MYBL2: variants seen among roughly 807,000 people sequenced by gnomAD.
MYBL2 encodes the protein myb-related protein B.
Under a neutral mutation model 79.9 loss-of-function variants are expected in MYBL2, and 28 were observed. The ratio of observed to expected loss-of-function variants is 0.35; its 90% CI spans 0.26 to 0.48. The LOEUF (loss-of-function observed/expected upper bound fraction) is 0.48, where lower values mean the gene tolerates loss of function less well. Among genes scored for constraint, MYBL2 ranks in the 20% least tolerant of loss-of-function variants. MYBL2 has a pLI of 0.99. For synonymous variants in MYBL2, 378 were observed against 361.2 expected, an observed-to-expected ratio of 1.05 and a Z score of -0.53; for missense variants, 735 against 893.9, an observed-to-expected ratio of 0.82 and a Z score of 2.27.
intron 8 of MYBL2, among the ~76,000 whole-genome samples, chr20:43,703,655 T>C (rs2145729560): frequency 6.6e-6 from 1 of 152,316 alleles, no homozygotes; most frequent in South Asian, 2.1e-4. Flanking sequence ...CTTAGGGCTT[T>C]GGCTCTCATT....
intron 11 of MYBL2, among the ~76,000 whole-genome samples, 153 bp downstream of exon 11, chr20:43,711,754 G>A (rs35263092): frequency 3.0e-4 from 45 of 152,208 alleles, no homozygotes; most frequent in African/African-American, 9.9e-4. Flanking sequence ...TGGTTGTTGA[G>A]GAAACTGACA....
chr20:43,680,404 A>T (rs567458438), intron 2 of MYBL2, among the ~76,000 whole-genome samples: 1 of 152,238 alleles, frequency 6.6e-6, no homozygotes, highest in Non-Finnish European at 1.5e-5. Flanking sequence ...GACTTAGCAT[A>T]GTGTCCTCAG....
chr20:43,696,243 CTT>C (rs111933419), intron 6 of MYBL2, among the ~76,000 whole-genome samples: 5 of 144,880 alleles, frequency 3.5e-5, no homozygotes, highest in Admixed American at 7.0e-5. Flanking sequence ...CTCATCTCAA[CTT>C]TTTTTTTTTT....
intron 11 of MYBL2, among the ~76,000 whole-genome samples, chr20:43,711,964 T>C (rs1414788896): frequency 6.6e-6 from 1 of 152,052 alleles, no homozygotes; most frequent in Non-Finnish European, 1.5e-5. Context: ...CATGACTGAA[T>C]TCACAGGGTA....
At chr20:43,677,645 C>T (rs979404811) in intron 2 of MYBL2, among the ~76,000 whole-genome samples, 6 of 151,864 alleles carry the variant, frequency 4.0e-5, no homozygotes, top group African/African-American at 1.4e-4. Flanking sequence ...TGAGGAGCCC[C>T]TCTGCCTGGC....
At chr20:43,689,941 CAA>C (rs573722775) in intron 5 of MYBL2, among the ~76,000 whole-genome samples, 17 of 152,092 alleles carry the variant, frequency 1.1e-4, no homozygotes, top group Admixed American at 5.2e-4. Context: ...ACCTGTGACT[CAA>C]GAGTTTCAGG....
chr20:43,704,864 T>C (rs1488710615), intron 8 of MYBL2, among the ~76,000 whole-genome samples: 3 of 152,172 alleles, frequency 2.0e-5, no homozygotes, highest in Non-Finnish European at 4.4e-5. Flanking sequence ...GTCACATGCC[T>C]TTTGCCTTCA....
chr20:43,673,859 A>G lies in MYBL2; in HGVS notation c.74A>G (p.Gln25Arg), dbSNP rs372609091. The G allele has an allele frequency of 2.6e-6, 4 of 1,556,388 alleles. No homozygotes were observed. Among genetic ancestry groups the G allele is most frequent in the Non-Finnish European group, 3.5e-6 (4 of 1,149,202 alleles). Residue 25 changes from glutamine to arginine, a missense_variant, in exon 2 of 14, where the codon CAG (glutamine) becomes CGG (arginine). By Grantham distance (43) the Gln-to-Arg change is conservative. Coordinates refer to ENST00000217026, the MANE Select transcript of MYBL2 (RefSeq NM_002466.4). ...GACACAGATTCAGATGTGCCGGAGC[A>G]GAGGGATAGCAAGTGCAAGGTCAAA... ...YQDTDSDVPE[Q>R]RDSKCKVKWT...
chr20:43,675,598 C>T (rs1396500944), intron 2 of MYBL2, among the ~76,000 whole-genome samples: 1 of 152,164 alleles, frequency 6.6e-6, no homozygotes, highest in African/African-American at 2.4e-5. Flanking sequence ...CAGGCATGAG[C>T]CACTACGGTG....
At chr20:43,710,717 C>G (rs1987886342) in intron 10 of MYBL2, among the ~76,000 whole-genome samples, 1 of 152,130 alleles carries the variant, frequency 6.6e-6, no homozygotes, top group Non-Finnish European at 1.5e-5. Flanking sequence ...CCTATGAAGC[C>G]CAAGGTGGCT....
chr20:43,696,163 G>T (rs1362325796), intron 6 of MYBL2, among the ~76,000 whole-genome samples: 1 of 152,108 alleles, frequency 6.6e-6, no homozygotes, highest in African/African-American at 2.4e-5. Flanking sequence ...CTCTGCTTCA[G>T]AAGTAATGCG....
intron 5 of MYBL2, among the ~76,000 whole-genome samples, chr20:43,690,395 G>T (rs369054151): frequency 6.6e-6 from 1 of 152,006 alleles, no homozygotes; most frequent in Non-Finnish European, 1.5e-5. Context: ...TGGTAGAGAC[G>T]GGATTTCACC....
intron 5 of MYBL2, among the ~76,000 whole-genome samples, chr20:43,689,532 A>G (rs961582637): frequency 6.7e-6 from 1 of 149,950 alleles, no homozygotes; most frequent in African/African-American, 2.5e-5. Context: ...CCTGCAGTGC[A>G]CTCCCGCTTG....
intron 9 of MYBL2, among the ~76,000 whole-genome samples, chr20:43,705,777 T>C (rs956519914): frequency 2.6e-5 from 4 of 152,016 alleles, no homozygotes; most frequent in South Asian, 2.1e-4. Flanking sequence ...CTTGGCTCAC[T>C]GCAAGCTCCG....
intron 1 of MYBL2, among the ~76,000 whole-genome samples, chr20:43,670,836 A>C (rs1986836172): frequency 6.6e-6 from 1 of 152,188 alleles, no homozygotes; most frequent in African/African-American, 2.4e-5. Context: ...CCAGTTTACA[A>C]ATGTCTGACC....
chr20:43,702,689 G>T lies in MYBL2; in HGVS notation c.1151G>T (p.Ser384Ile). ...CACACCATCTCAGACCTGAGCCGGAGCAGCCGGGGCGAGCTGATCCCCATC... is the reference window on the plus strand; with the variant it reads ...CACACCATCTCAGACCTGAGCCGGATCAGCCGGGGCGAGCTGATCCCCATC... The part of the protein sequence containing the change: ...DGHTISDLSR[S>I]SRGELIPISP... The change falls in exon 8 of 14, where the codon AGC becomes ATC. Residue 384 changes from serine to isoleucine, a missense_variant. Physicochemically the swap from Ser to Ile is moderately radical, Grantham distance 142 (BLOSUM62 -2). This residue lies in a region of MYBL2 where 243 missense variants were observed against 327.2 expected (regional missense o/e 0.74). Coordinates refer to ENST00000217026, the MANE Select transcript of MYBL2 (RefSeq NM_002466.4). 1 of 1,613,732 alleles carries T rather than the reference G, an allele frequency of 6.2e-7. No individual in the cohort carries two copies. Among genetic ancestry groups the T allele is most frequent in the East Asian group, 2.2e-5 (1 of 44,868 alleles).
chr20:43,675,882 T>G (rs576363597), intron 2 of MYBL2, among the ~76,000 whole-genome samples: 1 of 149,506 alleles, frequency 6.7e-6, no homozygotes, highest in African/African-American at 2.5e-5. Context: ...TTTTGTTACC[T>G]AGGTAATAAG....
intron 6 of MYBL2, 147 bp downstream of exon 6, chr20:43,692,466 T>C: frequency 2.2e-6 from 2 of 926,800 alleles, no homozygotes; most frequent in South Asian, 3.6e-5. Flanking sequence ...GTGAGACTTC[T>C]GCACATAACT....
At chr20:43,715,746 G>A (rs562866732) in intron 13 of MYBL2, among the ~76,000 whole-genome samples, 66 of 152,304 alleles carry the variant, frequency 4.3e-4, no homozygotes, top group African/African-American at 1.3e-3. Flanking sequence ...GCATGGCCAT[G>A]TCTCCTTGTC....
Sources: gnomAD v4.1 joint callset for allele counts (sites outside exome capture counted in the v4.1 genomes callset) on GRCh38, gnomAD v4.1.1 for gene constraint, gnomAD v4.1.1 regional missense constraint, MANE v1.5 for transcripts, NCBI Gene and HGNC (gene_info 2026-07-23, HGNC 2026-07-21) for gene names.